ANO10: variants seen among roughly 807,000 people sequenced by gnomAD.
The protein encoded by ANO10 is anoctamin 10, also known as anoctamin-10.
In ANO10, 77 loss-of-function variants were observed where a neutral mutation model predicts 74.7. That is an observed-to-expected ratio of 1.03 (90% CI 0.86 to 1.25). The LOEUF is 1.25. ANO10 is among the 50% of genes most tolerant of loss of function. The pLI is 0.00. For missense variants in ANO10, 721 were observed against 778.1 expected, an observed-to-expected ratio of 0.93 and a Z score of 0.87; for synonymous variants, 279 against 284.9, an observed-to-expected ratio of 0.98 and a Z score of 0.21.
chr3:43,567,968 A>C (rs1316914597), intron 7 of ANO10, among the ~76,000 whole-genome samples: 1 of 152,106 alleles, frequency 6.6e-6, no homozygotes, highest in Non-Finnish European at 1.5e-5. Flanking sequence ...CCACAGGCTC[A>C]AAATAAAAGG....
intron 11 of ANO10, among the ~76,000 whole-genome samples, chr3:43,493,085 C>T (rs1313521126): frequency 6.6e-6 from 1 of 152,148 alleles, no homozygotes; most frequent in African/African-American, 2.4e-5. Flanking sequence ...GGCACATATA[C>T]ACCATGGAAT....
chr3:43,523,797 G>A (rs774286378), intron 11 of ANO10, among the ~76,000 whole-genome samples: 2 of 152,204 alleles, frequency 1.3e-5, no homozygotes, highest in African/African-American at 4.8e-5. Context: ...TAAAGGTAAC[G>A]CAAGCCATGG....
intron 11 of ANO10, among the ~76,000 whole-genome samples, chr3:43,432,998 C>T (rs566654713): frequency 9.9e-6 from 1 of 101,482 alleles, no homozygotes; most frequent in Admixed American, 1.4e-4. Flanking sequence ...ATTCTGTTGC[C>T]CAGGCTAGAG....
intron 12 of ANO10, among the ~76,000 whole-genome samples, chr3:43,428,055 C>T (rs1030499384): frequency 1.3e-5 from 2 of 151,666 alleles, no homozygotes; most frequent in African/African-American, 2.4e-5. Context: ...TTACCCTGAA[C>T]CTTTTTTTTT....
chr3:43,657,198 T>C (rs1411905176), intron 1 of ANO10, among the ~76,000 whole-genome samples: 3 of 152,220 alleles, frequency 2.0e-5, no homozygotes, highest in African/African-American at 7.2e-5. Flanking sequence ...TTTTGTTTAT[T>C]TGTTTTTGTA....
chr3:43,497,806 T>C (rs1195727813), intron 11 of ANO10, among the ~76,000 whole-genome samples: 2 of 152,218 alleles, frequency 1.3e-5, no homozygotes, highest in Non-Finnish European at 2.9e-5. Flanking sequence ...ATAAAGATTT[T>C]TATTCTGTAT....
intron 12 of ANO10, among the ~76,000 whole-genome samples, chr3:43,392,916 A>C (rs2092305294): frequency 6.6e-6 from 1 of 152,210 alleles, no homozygotes; most frequent in African/African-American, 2.4e-5. Flanking sequence ...ATATTGTTAA[A>C]TCCAAGGGGG....
intron 3 of ANO10, 105 bp from the exon 4 acceptor site, chr3:43,598,771 TAAG>T: frequency 2.3e-6 from 2 of 886,380 alleles, no homozygotes; most frequent in East Asian, 2.7e-5. Flanking sequence ...GCAATTAACA[TAAG>T]AAGTAATCAA....
chr3:43,537,487 G>T (rs1475997589), intron 11 of ANO10, among the ~76,000 whole-genome samples: 2 of 151,878 alleles, frequency 1.3e-5, no homozygotes, highest in African/African-American at 4.8e-5. Context: ...GTCACAGCTG[G>T]GGCCCAATGA....
intron 1 of ANO10, among the ~76,000 whole-genome samples, chr3:43,652,487 G>A (rs2083798952): frequency 6.6e-6 from 1 of 152,114 alleles, no homozygotes; most frequent in Non-Finnish European, 1.5e-5. Flanking sequence ...ACTGCTTAAT[G>A]CCATACATGA....
intron 2 of ANO10, among the ~76,000 whole-genome samples, chr3:43,603,916 G>C (rs2082442927): frequency 6.6e-6 from 1 of 152,120 alleles, no homozygotes; most frequent in Non-Finnish European, 1.5e-5. Context: ...TGGTGGAGTA[G>C]GGGAAAGGGG....
At chr3:43,585,560 CATCTG>C (rs2081441810) in intron 4 of ANO10, among the ~76,000 whole-genome samples, 1 of 152,204 alleles carries the variant, frequency 6.6e-6, no homozygotes, top group South Asian at 2.1e-4. Flanking sequence ...TCCATTATCC[CATCTG>C]ATCAAAGAGC....
At chr3:43,566,376 G>A (rs1559711695) in intron 7 of ANO10, among the ~76,000 whole-genome samples, 1 of 152,230 alleles carries the variant, frequency 6.6e-6, no homozygotes, top group Non-Finnish European at 1.5e-5. Context: ...CTCCACCTCT[G>A]GGGGCAGGGC....
chr3:43,431,816 A>C (rs920489132), intron 12 of ANO10, among the ~76,000 whole-genome samples: 5 of 151,986 alleles, frequency 3.3e-5, no homozygotes, highest in African/African-American at 1.2e-4. Context: ...TCAGGCTTTG[A>C]TCAAAGGGTC....
chr3:43,478,506 T>C (rs2076156697), intron 11 of ANO10, among the ~76,000 whole-genome samples: 1 of 152,200 alleles, frequency 6.6e-6, no homozygotes. Context: ...CCCATGCTTT[T>C]TTCATTTCAC....
intron 11 of ANO10, among the ~76,000 whole-genome samples, chr3:43,542,194 A>G (rs1242747931): frequency 3.9e-5 from 6 of 152,184 alleles, no homozygotes; most frequent in Non-Finnish European, 8.8e-5. Flanking sequence ...TTTAAAAAGT[A>G]TGTCTAGATG....
chr3:43,426,356 A>G (rs1004592631), intron 12 of ANO10, among the ~76,000 whole-genome samples: 2 of 152,174 alleles, frequency 1.3e-5, no homozygotes, highest in Non-Finnish European at 2.9e-5. Flanking sequence ...ATTTAAATAC[A>G]CTTAACTCTA....
rs896151582 is a variant in ANO10, at chr3:43,519,001, A to G, written c.1797+30719T>C. 3.3e-5 allele frequency among the ~76,000 whole-genome samples: 5 copies of G among 152,100 alleles called. No individual in the cohort carries two copies. In the East Asian group the frequency reaches 5.8e-4, roughly 18 times the overall value. On this transcript the variant is annotated intron_variant, in intron 11 of 12. Transcript: ENST00000292246. ...GTACACCCCTCCCCTTTTGAAATCCATAATAAAAACTTGCTGGTTTTGCGG... is the reference window on the plus strand; with the variant it reads ...GTACACCCCTCCCCTTTTGAAATCCGTAATAAAAACTTGCTGGTTTTGCGG...
At chr3:43,613,498 G>A (rs568213199) in intron 1 of ANO10, among the ~76,000 whole-genome samples, 2 of 152,320 alleles carry the variant, frequency 1.3e-5, no homozygotes, top group Admixed American at 1.3e-4. Context: ...AGCCATTTAA[G>A]GATAACAAAT....
Sources: allele counts gnomAD v4.1 joint callset (sites outside exome capture counted in the v4.1 genomes callset), GRCh38; gene constraint gnomAD v4.1.1; transcripts MANE v1.5; gene names NCBI Gene and HGNC (gene_info 2026-07-23, HGNC 2026-07-21).